The following KCNK13 variants were observed in gnomAD, a reference collection of about 807,000 sequenced individuals.
KCNK13 encodes potassium channel subfamily K member 13.
KCNK13 carries 12 observed loss-of-function variants against 23.4 expected under a neutral mutation model. That is an observed-to-expected ratio of 0.51 (90% CI 0.33 to 0.83). KCNK13 has a LOEUF of 0.83. KCNK13 is among the 40% of genes least tolerant of loss of function. The probability of loss-of-function intolerance (pLI) is 0.02; values close to 1 mark genes in which losing one functional copy is unlikely to be tolerated. For missense variants in KCNK13, 463 were observed against 556.3 expected (o/e 0.83, Z 1.69); for synonymous variants, 231 against 229.5 (o/e 1.01, Z -0.06).
chr14:90,099,259 T>C (rs913265882), intron 1 of KCNK13, among the ~76,000 whole-genome samples: 1 of 152,146 alleles, frequency 6.6e-6, no homozygotes, highest in Non-Finnish European at 1.5e-5. Flanking sequence ...AGTTGAACTT[T>C]CACGTGAGGA....
intron 1 of KCNK13, among the ~76,000 whole-genome samples, chr14:90,091,637 C>A (rs1889344892): frequency 6.6e-6 from 1 of 151,540 alleles, no homozygotes; most frequent in Admixed American, 6.6e-5. Context: ...CCAAATGCCT[C>A]ATTATTTATG....
rs754425734 is a variant in KCNK13 at position 90,184,618 on chromosome 14, T to C, written c.842T>C (p.Ile281Thr). ...CIYSLFNVIS[I>T]LIKQSLNWIL... The stretch of plus-strand genomic sequence containing the variant: ...TACTCCTTGTTCAATGTCATCTCTA[T>C]CCTCATCAAACAGTCCTTGAACTGG... Residue 281 changes from isoleucine (I) to threonine (T), a missense_variant, in exon 2 of 2, where the codon ATC becomes ACC. Physicochemically the swap from Ile to Thr is moderately conservative, Grantham distance 89 (BLOSUM62 -1). Around this residue, in one of 3 missense-constraint regions of KCNK13, gnomAD observed 166 missense variants for 178.8 expected, o/e 0.93. Transcript: ENST00000282146. This position sits in a 1 kb window ranked among gnomAD's most constrained non-coding sequence, Gnocchi z 5.6. 1 of 1,614,112 alleles carries C rather than the reference T, an allele frequency of 6.2e-7. No individual in the cohort carries two copies. The highest frequency in any genetic ancestry group is 1.7e-5 in the Admixed American group (1 of 60,014).
intron 1 of KCNK13, among the ~76,000 whole-genome samples, chr14:90,171,255 A>G (rs1890361481): frequency 6.6e-6 from 1 of 152,208 alleles, no homozygotes; most frequent in Non-Finnish European, 1.5e-5. Context: ...GCCCCAAGGC[A>G]CATGGGTAGA....
At chr14:90,183,643 A>T (rs1271592478) in intron 1 of KCNK13, among the ~76,000 whole-genome samples, 1 of 152,208 alleles carries the variant, frequency 6.6e-6, no homozygotes, top group Non-Finnish European at 1.5e-5. Context: ...CCACAGTTCT[A>T]TCCCCAGGTC....
intron 1 of KCNK13, among the ~76,000 whole-genome samples, chr14:90,155,128 A>G (rs766049860): frequency 9.9e-5 from 15 of 152,010 alleles, no homozygotes; most frequent in South Asian, 2.1e-4. Context: ...GAGGGATGGG[A>G]GTTTTGAGTT....
rs59015213 is a variant in KCNK13 at position 90,161,254 on chromosome 14, C to A, written c.335-22857C>A. Among the ~76,000 whole-genome samples, 1,431 of 152,262 alleles carry A rather than the reference C, an allele frequency of 9.4e-3. 18 individuals carry two copies. The highest frequency in any genetic ancestry group is 0.033 in the African/African-American group (1,363 of 41,548). ...ACTTATATGAGGTACACAGAATAAG[C>A]AAGTTTATAGATAGACAGTAGAATA... On this transcript the variant is annotated intron_variant, in intron 1 of 1. Coordinates refer to ENST00000282146, the MANE Select transcript of KCNK13 (RefSeq NM_022054.4).
intron 1 of KCNK13, among the ~76,000 whole-genome samples, chr14:90,170,006 G>A (rs373292692): frequency 1.3e-5 from 2 of 151,958 alleles, no homozygotes; most frequent in African/African-American, 2.4e-5. Flanking sequence ...ATGTCTTTTT[G>A]AGATGAAGCA....
chr14:90,095,498 C>A (rs1724190158), intron 1 of KCNK13, among the ~76,000 whole-genome samples: 1 of 143,544 alleles, frequency 7.0e-6, no homozygotes, highest in Non-Finnish European at 1.6e-5. Context: ...AATCAGCTAT[C>A]TTATTTTTTT....
rs1890538554 is a variant in KCNK13 at position 90,185,313 on chromosome 14, T to G, written c.*310T>G. On this transcript the variant is annotated 3_prime_UTR_variant, in exon 2 of 2. Transcript: ENST00000282146. ...ATTAATCTTGTTTCAGAGCTTTAGCTGCCTGAGGAGATAGGTTTTCCTTAA... is the reference window on the plus strand; with the variant it reads ...ATTAATCTTGTTTCAGAGCTTTAGCGGCCTGAGGAGATAGGTTTTCCTTAA... 8.6e-6 allele frequency: 2 copies of G among 233,186 alleles called. No individual in the cohort carries two copies. The highest frequency in any genetic ancestry group is 1.7e-5 in the Non-Finnish European group (2 of 120,462). 14.4% of individuals were successfully genotyped at this position (233,186 alleles called of 1,614,324 possible). A position where few individuals can be genotyped will look rare whatever the true frequency, so the allele number is the denominator to read the frequency against.
intron 1 of KCNK13, among the ~76,000 whole-genome samples, chr14:90,171,069 T>C (rs1292720965): frequency 6.6e-6 from 1 of 152,186 alleles, no homozygotes; most frequent in Non-Finnish European, 1.5e-5. Flanking sequence ...AAATTTAATT[T>C]CCTTTCACAT....
chr14:90,097,282 A>G (rs1214855227), intron 1 of KCNK13, among the ~76,000 whole-genome samples: 1 of 152,114 alleles, frequency 6.6e-6, no homozygotes, highest in African/African-American at 2.4e-5. Context: ...GCTTCTGGCA[A>G]GGGCTTCTGT....
At position 90,185,820 on chromosome 14, in the gene KCNK13, A is replaced by T. The variant is rs905089761; in HGVS notation, c.*817A>T. 3.3e-5 allele frequency: 5 copies of T among 152,232 alleles called. No individual in the cohort carries two copies. Among genetic ancestry groups the T allele is most frequent in the Non-Finnish European group, 5.9e-5 (4 of 68,040 alleles). 9.4% of individuals were successfully genotyped at this position (152,232 alleles called of 1,614,324 possible). A position where few individuals can be genotyped will look rare whatever the true frequency, so the allele number is the denominator to read the frequency against. On this transcript the variant is annotated 3_prime_UTR_variant, in exon 2 of 2. Transcript: ENST00000282146. ...ATGCAAAGATGATGACTATTTAATAAAATGGAAAATTTAATAAATCCTCAT... is the reference window on the plus strand; with the variant it reads ...ATGCAAAGATGATGACTATTTAATATAATGGAAAATTTAATAAATCCTCAT...
chr14:90,130,345 A>G (rs902322003), intron 1 of KCNK13, among the ~76,000 whole-genome samples: 2 of 151,696 alleles, frequency 1.3e-5, no homozygotes, highest in Admixed American at 1.3e-4. Context: ...GATTACAGGC[A>G]CGCACCACCA....
At chr14:90,070,259 T>A (rs1889058233) in intron 1 of KCNK13, among the ~76,000 whole-genome samples, 3 of 152,242 alleles carry the variant, frequency 2.0e-5, no homozygotes, top group Admixed American at 6.5e-5. Flanking sequence ...GCTTTCTATA[T>A]AACCATTATA....
chr14:90,085,724 A>G (rs949687972), intron 1 of KCNK13, among the ~76,000 whole-genome samples: 30 of 139,364 alleles, frequency 2.2e-4, no homozygotes, highest in Non-Finnish European at 4.1e-4. Flanking sequence ...ATACTTATAT[A>G]TAATATATAT....
At position 90,135,733 on chromosome 14, in the gene KCNK13, A is replaced by G. The variant is rs180922190; in HGVS notation, c.335-48378A>G. On this transcript the variant is annotated intron_variant, in intron 1 of 1. Coordinates refer to ENST00000282146, the MANE Select transcript of KCNK13 (RefSeq NM_022054.4). ...TTAAGCCATGCTGGTGCCCTCTTCA[A>G]GAAAAGGACTCTTTTTTGTTCTGTG... Among the ~76,000 whole-genome samples, 296 of 152,246 alleles carry G rather than the reference A, an allele frequency of 1.9e-3. 3 individuals are homozygous for G. The highest frequency in any genetic ancestry group is 6.8e-3 in the African/African-American group (281 of 41,558).
At chr14:90,156,007 G>A (rs890186830) in intron 1 of KCNK13, among the ~76,000 whole-genome samples, 7 of 151,862 alleles carry the variant, frequency 4.6e-5, no homozygotes, top group Admixed American at 1.3e-4. Flanking sequence ...AGTTCGAGAC[G>A]AGCCTGGGCA....
rs146187611 is a variant in KCNK13, at chr14:90,073,299, C to T, written c.334+10760C>T. Among the ~76,000 whole-genome samples the T allele has an allele frequency of 1.6e-4, 25 of 152,242 alleles. No homozygotes were observed. The East Asian group carries it at 2.7e-3, about 16-fold the overall frequency. On this transcript the variant is annotated intron_variant, in intron 1 of 1. Transcript: ENST00000282146. ...AAGGTTTGGGTAGCGTGCTGCCTACCGCCCAGGAGTCCATGCAAACAGAGA... is the reference window on the plus strand; with the variant it reads ...AAGGTTTGGGTAGCGTGCTGCCTACTGCCCAGGAGTCCATGCAAACAGAGA...
At chr14:90,143,025 A>G (rs529038304) in intron 1 of KCNK13, among the ~76,000 whole-genome samples, 12 of 152,284 alleles carry the variant, frequency 7.9e-5, no homozygotes, top group African/African-American at 2.9e-4. Flanking sequence ...TCTGGTGCCA[A>G]TTGCTGGGCT....
Sources: gnomAD v4.1 joint callset for allele counts (sites outside exome capture counted in the v4.1 genomes callset) on GRCh38, gnomAD v4.1.1 for gene constraint, gnomAD v4.1.1 regional missense constraint, Gnocchi (gnomAD v3.1) non-coding constraint, MANE v1.5 for transcripts, NCBI Gene and HGNC (gene_info 2026-07-23, HGNC 2026-07-21) for gene names.